Variants in PMFBP1 observed in about 807,000 individuals in gnomAD.
PMFBP1 encodes polyamine-modulated factor 1-binding protein 1.
Under a neutral mutation model 137.8 loss-of-function variants are expected in PMFBP1, and 131 were observed. The ratio of observed to expected loss-of-function variants is 0.95; its 90% confidence interval spans 0.82 to 1.10. The LOEUF is 1.10. Ranked by LOEUF, PMFBP1 falls within the 50% of genes least tolerant of loss-of-function variation. The probability of loss-of-function intolerance (pLI) is 0.00; values close to 1 mark genes in which losing one functional copy is unlikely to be tolerated. For missense variants in PMFBP1, 1,199 were observed against 1,175.4 expected (o/e 1.02, Z -0.29); for synonymous variants, 490 against 450.4 (o/e 1.09, Z -1.11).
the PMFBP1 span, among the ~76,000 whole-genome samples, chr16:72,190,406 T>A: frequency 6.6e-6 from 1 of 152,228 alleles, no homozygotes; most frequent in Non-Finnish European, 1.5e-5. Context: ...ACTGTCATAA[T>A]CTTTGCAAAG....
the PMFBP1 span, among the ~76,000 whole-genome samples, chr16:72,200,143 A>C: frequency 6.6e-6 from 1 of 152,172 alleles, no homozygotes; most frequent in Admixed American, 6.5e-5. Flanking sequence ...AAACAGGCTC[A>C]CTCCACTGTC....
intron 19 of PMFBP1, among the ~76,000 whole-genome samples, chr16:72,122,101 C>A (rs4788461): frequency 0.6 from 91,172 of 151,942 alleles, 28,228 homozygotes; most frequent in African/African-American, 0.74. Context: ...CTTTGTGTTC[C>A]TAAGTTCTCA....
intron 3 of PMFBP1, among the ~76,000 whole-genome samples, chr16:72,163,689 G>A (rs1362757695): frequency 1.3e-5 from 2 of 152,110 alleles, no homozygotes; most frequent in Admixed American, 6.5e-5. Context: ...GCATTTGACT[G>A]GTTCCATGTT....
the PMFBP1 span, among the ~76,000 whole-genome samples, chr16:72,210,485 C>T: frequency 6.6e-6 from 1 of 152,148 alleles, no homozygotes; most frequent in African/African-American, 2.4e-5. Context: ...CCCCAGGCAC[C>T]AGAATTCCCC....
chr16:72,242,424 A>G, the PMFBP1 span, among the ~76,000 whole-genome samples: 1 of 152,250 alleles, frequency 6.6e-6, no homozygotes, highest in African/African-American at 2.4e-5. Context: ...AGAGTAAAGG[A>G]AAGTATCTAA....
At chr16:72,192,988 C>T in the PMFBP1 span, among the ~76,000 whole-genome samples, 6 of 151,482 alleles carry the variant, frequency 4.0e-5, no homozygotes, top group African/African-American at 1.2e-4. Flanking sequence ...AAAGAATGTG[C>T]ACGTTATATT....
At chr16:72,138,076 C>T (rs922366399) in intron 7 of PMFBP1, among the ~76,000 whole-genome samples, 3 of 152,106 alleles carry the variant, frequency 2.0e-5, no homozygotes, top group Non-Finnish European at 4.4e-5. Flanking sequence ...GTGTATTCTG[C>T]TTCTTGGGGA....
chr16:72,167,166 G>A (rs2043156735), intron 2 of PMFBP1, among the ~76,000 whole-genome samples: 1 of 152,214 alleles, frequency 6.6e-6, no homozygotes, highest in Admixed American at 6.5e-5. Context: ...GCACAAGGCC[G>A]AGGGGGGCCG....
chr16:72,117,603 C>A (rs2042321464), downstream of PMFBP1, among the ~76,000 whole-genome samples: 2 of 152,096 alleles, frequency 1.3e-5, 1 homozygote, highest in South Asian at 4.1e-4. Flanking sequence ...AGAGGAAAAG[C>A]TTTTAGTCTT....
At chr16:72,225,127 C>G in the PMFBP1 span, 1 of 152,140 alleles carries the variant, frequency 6.6e-6, no homozygotes, top group African/African-American at 2.4e-5. Flanking sequence ...GTTCTTTGCT[C>G]CACCATACTT....
At chr16:72,164,358 T>G in intron 3 of PMFBP1, 8 of 1,254,654 alleles carry the variant, frequency 6.4e-6, no homozygotes, top group Non-Finnish European at 8.4e-6. Context: ...GCTACCCCAA[T>G]GGACACTGAT....
intron 1 of PMFBP1, 48 bp from the exon 2 acceptor site, chr16:72,171,316 T>C: frequency 1.5e-6 from 2 of 1,300,628 alleles, no homozygotes; most frequent in African/African-American, 1.5e-5. Context: ...AATGAGCCTC[T>C]GCCCTTTAAA....
At chr16:72,148,842 T>C (rs73580679) in intron 5 of PMFBP1, among the ~76,000 whole-genome samples, 6,235 of 152,266 alleles carry the variant, frequency 0.041, 398 homozygotes, top group African/African-American at 0.14. Flanking sequence ...TTGCCCTTTA[T>C]GGGGATTGTG....
intron 5 of PMFBP1, among the ~76,000 whole-genome samples, chr16:72,145,649 G>T (rs1050401526): frequency 6.6e-6 from 1 of 151,966 alleles, no homozygotes; most frequent in African/African-American, 2.4e-5. Flanking sequence ...TAATAAAGAA[G>T]AAAAGAGAGA....
the PMFBP1 span, among the ~76,000 whole-genome samples, chr16:72,183,748 GA>G: frequency 6.6e-6 from 1 of 152,076 alleles, no homozygotes; most frequent in South Asian, 2.1e-4. Context: ...TTATACTGGG[GA>G]AAAAAATCCT....
At chr16:72,186,579 A>T in the PMFBP1 span, among the ~76,000 whole-genome samples, 1 of 152,134 alleles carries the variant, frequency 6.6e-6, no homozygotes, top group Non-Finnish European at 1.5e-5. Flanking sequence ...CACATCAACA[A>T]TTGCTTCGTG....
Position 72,129,249 on chromosome 16 carries a change from C to A in PMFBP1, c.1783-16G>T. ...GCTCCCTGTGCTGAAAAAATAAAGA[C>A]TGAGCTGAAAGACTGTCTTAGACTA... On this transcript the variant is annotated splice_polypyrimidine_tract_variant and intron_variant, in intron 12 of 20. Transcript: ENST00000237353. The A allele has an allele frequency of 6.2e-7, 1 of 1,607,172 alleles. No homozygotes were observed. Among genetic ancestry groups the A allele is most frequent in the Non-Finnish European group, 8.5e-7 (1 of 1,179,632 alleles).
chr16:72,226,345 A>C, the PMFBP1 span, among the ~76,000 whole-genome samples: 1 of 152,294 alleles, frequency 6.6e-6, no homozygotes, highest in African/African-American at 2.4e-5. Flanking sequence ...TCTTAAGCTA[A>C]TGTGCAGGTA....
chr16:72,153,592 G>A (rs2042935653), intron 4 of PMFBP1, among the ~76,000 whole-genome samples: 1 of 151,666 alleles, frequency 6.6e-6, no homozygotes, highest in African/African-American at 2.4e-5. Context: ...GAATTTACTT[G>A]GGATTCTAAA....
Sources: allele counts gnomAD v4.1 joint callset (sites outside exome capture counted in the v4.1 genomes callset), GRCh38; gene constraint gnomAD v4.1.1; transcripts MANE v1.5; gene names NCBI Gene and HGNC (gene_info 2026-07-23, HGNC 2026-07-21).